The following DNM2 variants were observed in gnomAD, a reference collection of about 807,000 sequenced individuals.
DNM2 encodes the protein dynamin 2, also known as dynamin-2.
Under a neutral mutation model 99.0 loss-of-function variants are expected in DNM2, and 15 were observed. The ratio of observed to expected loss-of-function variants is 0.15; its 90% confidence interval spans 0.10 to 0.23. DNM2 has a LOEUF of 0.23. Ranked by LOEUF, DNM2 falls within the 10% of genes least tolerant of loss-of-function variation. DNM2 has a pLI of 1.00. For missense variants in DNM2, 742 were observed against 1,189.4 expected (o/e 0.62, Z 5.53); for synonymous variants, 525 against 481.2 (o/e 1.09, Z -1.19).
In DNM2 at chr19:10,816,653, G is replaced by C. The variant is rs1286811725; in HGVS notation, c.1672-3327G>C. Among the ~76,000 whole-genome samples, 1 of 152,196 alleles carries C rather than the reference G, an allele frequency of 6.6e-6. No homozygotes were observed. Among genetic ancestry groups the C allele is most frequent in the Non-Finnish European group, 1.5e-5 (1 of 68,024 alleles). On this transcript the variant is annotated intron_variant, in intron 15 of 20. Coordinates refer to ENST00000389253, the MANE Select transcript of DNM2 (RefSeq NM_001005361.3). The surrounding 1 kb of genome is among the most constrained non-coding windows in gnomAD (Gnocchi z 4.6). Reference sequence around the variant, plus strand: ...CAGCCTGCGCTGTGGTGTGTGGGCTGTCAGGCCGGCTGAGAGCTGGTGCCC... The same window carrying C: ...CAGCCTGCGCTGTGGTGTGTGGGCTCTCAGGCCGGCTGAGAGCTGGTGCCC...
rs749199365 is a variant in DNM2 at position 10,816,953 on chromosome 19, G to A, written c.1672-3027G>A. On this transcript the variant is annotated intron_variant, in intron 15 of 20. Transcript: ENST00000389253. The surrounding 1 kb of genome is among the most constrained non-coding windows in gnomAD (Gnocchi z 4.6). ...AGCAGCAGTGGGAGAAGGGCCGGGC[G>A]CCGGCCGTAATGAGAAACAGCCGAC... Among the ~76,000 whole-genome samples the A allele has an allele frequency of 1.3e-5, 2 of 152,266 alleles. No homozygotes were observed. The highest frequency in any genetic ancestry group is 2.1e-4 in the South Asian group (1 of 4,832).
chr19:10,797,325 G>T, intron 9 of DNM2, 55 bp from the exon 10 acceptor site: 1 of 1,605,626 alleles, frequency 6.2e-7, no homozygotes, highest in South Asian at 1.1e-5. Flanking sequence ...TGCGTGTGTG[G>T]CCTGCACTGT....
chr19:10,811,465 A>G lies in DNM2; in HGVS notation c.1558-799A>G, dbSNP rs116824529. On this transcript the variant is annotated intron_variant, in intron 14 of 20. Coordinates refer to ENST00000389253, the MANE Select transcript of DNM2 (RefSeq NM_001005361.3). The surrounding 1 kb of genome is among the most constrained non-coding windows in gnomAD (Gnocchi z 5.4). ...GCAGGCCAGCCCTTCGCAGCTGTCC[A>G]TGGCCATGCTCAGCCCACCCTTTGT... 6.2e-3 allele frequency: 2,177 copies of G among 351,982 alleles called. 51 individuals are homozygous for G. The highest frequency in any genetic ancestry group is 0.044 in the African/African-American group (2,048 of 46,616). 21.8% of individuals were successfully genotyped at this position (351,982 alleles called of 1,614,324 possible). A position where few individuals can be genotyped will look rare whatever the true frequency, so the allele number is the denominator to read the frequency against.
Position 10,800,984 on chromosome 19 carries a change from A to C in DNM2, c.1423-1304A>C, listed in dbSNP as rs569902339. Among the ~76,000 whole-genome samples, 12 of 152,328 alleles carry C rather than the reference A, an allele frequency of 7.9e-5. No homozygotes were observed. In the South Asian group the frequency reaches 2.3e-3, roughly 29 times the overall value. On this transcript the variant is annotated intron_variant, in intron 11 of 20. Coordinates refer to ENST00000389253, the MANE Select transcript of DNM2 (RefSeq NM_001005361.3). ...TGGACAAATTAGCTTCGCAGTTTTA[A>C]TGCAACACTTTGAACACGCCAGGCG...
intron 19 of DNM2, among the ~76,000 whole-genome samples, chr19:10,829,692 C>T (rs901685095): frequency 6.6e-6 from 1 of 152,168 alleles, no homozygotes; most frequent in African/African-American, 2.4e-5. Flanking sequence ...GGCCGTCGGG[C>T]AGGGAACCTC....
intron 1 of DNM2, among the ~76,000 whole-genome samples, chr19:10,743,265 A>G (rs1009804992): frequency 6.6e-6 from 1 of 151,936 alleles, no homozygotes; most frequent in Non-Finnish European, 1.5e-5. Context: ...TGTGTGCCAG[A>G]TAGTGTGCTG....
At chr19:10,725,506 A>G (rs1166715629) in intron 1 of DNM2, among the ~76,000 whole-genome samples, 1 of 151,524 alleles carries the variant, frequency 6.6e-6, no homozygotes, top group Non-Finnish European at 1.5e-5. Context: ...GGTGGTCTGC[A>G]GTGCTGGGCC....
At chr19:10,751,738 C>G (rs1162034981) in intron 1 of DNM2, among the ~76,000 whole-genome samples, 1 of 152,278 alleles carries the variant, frequency 6.6e-6, no homozygotes, top group Non-Finnish European at 1.5e-5. Flanking sequence ...CTGCCCTGCC[C>G]TGTCCTCAAA....
Position 10,817,394 on chromosome 19 carries a change from G to T in DNM2, c.1672-2586G>T. On this transcript the variant is annotated intron_variant, in intron 15 of 20. Transcript: ENST00000389253. The surrounding 1 kb of genome is among the most constrained non-coding windows in gnomAD (Gnocchi z 4.6). The stretch of plus-strand genomic sequence containing the variant: ...ACTCACCTGCCGGCGAGTTTGGGGG[G>T]CCTGTCTCGACGAGCCGCTCACCCA... 2.0e-6 allele frequency: 1 copy of T among 491,488 alleles called. No homozygotes were observed. The highest frequency in any genetic ancestry group is 2.0e-5 in the African/African-American group (1 of 50,722). 30.4% of individuals were successfully genotyped at this position (491,488 alleles called of 1,614,324 possible). A position where few individuals can be genotyped will look rare whatever the true frequency, so the allele number is the denominator to read the frequency against.
Position 10,831,075 on chromosome 19 carries a change from G to T in DNM2, c.*28G>T. The T allele has an allele frequency of 6.3e-7, 1 of 1,580,184 alleles. No individual in the cohort carries two copies. The highest frequency in any genetic ancestry group is 8.6e-7 in the Non-Finnish European group (1 of 1,163,080). On this transcript the variant is annotated 3_prime_UTR_variant, in exon 21 of 21. Coordinates refer to ENST00000389253, the MANE Select transcript of DNM2 (RefSeq NM_001005361.3). The surrounding 1 kb of genome is among the most constrained non-coding windows in gnomAD (Gnocchi z 4.3). Reference sequence around the variant, plus strand: ...CTCGAGGGGGGCGTGCTCTCGGGGGGGCCTCACGCACCCGCGGCGCAGGAG... The same window carrying T: ...CTCGAGGGGGGCGTGCTCTCGGGGGTGCCTCACGCACCCGCGGCGCAGGAG...
chr19:10,790,416 A>G (rs1345257568), intron 7 of DNM2, among the ~76,000 whole-genome samples: 1 of 152,160 alleles, frequency 6.6e-6, no homozygotes, highest in African/African-American at 2.4e-5. Flanking sequence ...TAAGGAACAT[A>G]CGTGTTTAAA....
chr19:10,825,257 G>A, intron 18 of DNM2, 36 bp downstream of exon 18: 1 of 1,611,642 alleles, frequency 6.2e-7, no homozygotes. Context: ...GGAGGTAGCT[G>A]GGTGCGGTGG....
At chr19:10,829,444 G>A (rs566281708) in intron 19 of DNM2, among the ~76,000 whole-genome samples, 176 bp downstream of exon 19, 2 of 152,270 alleles carry the variant, frequency 1.3e-5, no homozygotes, top group South Asian at 2.1e-4. Context: ...AAGGGGTATG[G>A]GGGCGAGCCA....
intron 1 of DNM2, among the ~76,000 whole-genome samples, chr19:10,737,459 C>A (rs2069570923): frequency 1.3e-5 from 2 of 152,074 alleles, no homozygotes; most frequent in Non-Finnish European, 2.9e-5. Context: ...ACTTGTCATT[C>A]CTGTCATTGT....
chr19:10,778,837 A>G (rs2071245371), intron 5 of DNM2, among the ~76,000 whole-genome samples: 1 of 152,162 alleles, frequency 6.6e-6, no homozygotes, highest in Non-Finnish European at 1.5e-5. Context: ...TTAGCTGGTA[A>G]TTAGATCAGG....
intron 12 of DNM2, chr19:10,802,735 A>G (rs926116613): frequency 8.6e-6 from 3 of 350,432 alleles, no homozygotes; most frequent in East Asian, 6.9e-5. Context: ...ACAGCATCTC[A>G]TGGGCTCAGG....
chr19:10,737,208 C>T (rs2069561354), intron 1 of DNM2, among the ~76,000 whole-genome samples: 1 of 152,008 alleles, frequency 6.6e-6, no homozygotes, highest in Non-Finnish European at 1.5e-5. Flanking sequence ...TGAAGTCGTC[C>T]CTGAGGCTCC....
chr19:10,783,678 A>T (rs960883403), intron 6 of DNM2, among the ~76,000 whole-genome samples: 5 of 116,356 alleles, frequency 4.3e-5, no homozygotes, highest in East Asian at 4.1e-4. Flanking sequence ...TTTTTTATTT[A>T]TTATTATTAT....
intron 5 of DNM2, among the ~76,000 whole-genome samples, chr19:10,778,942 A>G (rs994117253): frequency 6.6e-6 from 1 of 152,000 alleles, no homozygotes; most frequent in Non-Finnish European, 1.5e-5. Context: ...TGGGTCGGGC[A>G]TGGTGACTCA....
Sources: gnomAD v4.1 joint callset for allele counts (sites outside exome capture counted in the v4.1 genomes callset) on GRCh38, gnomAD v4.1.1 for gene constraint, Gnocchi (gnomAD v3.1) non-coding constraint, MANE v1.5 for transcripts, NCBI Gene and HGNC (gene_info 2026-07-23, HGNC 2026-07-21) for gene names.